Variants in KIRREL3 observed in about 807,000 individuals in gnomAD.
KIRREL3 encodes the protein kirre like nephrin family adhesion molecule 3, also known as kin of IRRE-like protein 3.
In KIRREL3, 36 loss-of-function variants were observed where a neutral mutation model predicts 89.7. The ratio of observed to expected loss-of-function variants is 0.40; its 90% CI spans 0.31 to 0.53. The LOEUF is 0.53. KIRREL3 is among the 20% of genes least tolerant of loss of function. The pLI, the probability that KIRREL3 is intolerant of heterozygous loss-of-function variation, is 0.49. For synonymous variants in KIRREL3, 445 were observed against 441.4 expected, an observed-to-expected ratio of 1.01 and a Z score of -0.10; for missense variants, 864 against 1,056.6, an observed-to-expected ratio of 0.82 and a Z score of 2.53.
At chr11:126,621,965 G>A (rs558221047) in intron 1 of KIRREL3, among the ~76,000 whole-genome samples, 1 of 152,280 alleles carries the variant, frequency 6.6e-6, no homozygotes, top group East Asian at 1.9e-4. Context: ...TGACAGTGGT[G>A]GGAGTCTGGG....
rs1198729115 is a variant in KIRREL3, at chr11:126,995,784, G to A, written c.55+4671C>T. 6.6e-6 allele frequency among the ~76,000 whole-genome samples: 1 copy of A among 152,144 alleles called. No homozygotes were observed. The highest frequency in any genetic ancestry group is 2.4e-5 in the African/African-American group (1 of 41,422). On this transcript the variant is annotated intron_variant, in intron 1 of 16. Coordinates refer to ENST00000525144, the MANE Select transcript of KIRREL3 (RefSeq NM_032531.4). This position sits in a 1 kb window ranked among gnomAD's most constrained non-coding sequence, Gnocchi z 6.5. ...TTTTTTGGGTCTGCAATATAATGCT[G>A]CCTAAGTCATCCCCACTGGGCTGAA...
rs1384331367 is a variant in KIRREL3, at chr11:126,906,313, C to T, written c.55+94142G>A. ...CTTGTGTGACTGATGAGCCACTTTT[C>T]GTTGTTTGCTTTCTTAAAAATAAGC... On this transcript the variant is annotated intron_variant, in intron 1 of 16. Coordinates refer to ENST00000525144, the MANE Select transcript of KIRREL3 (RefSeq NM_032531.4). This position sits in a 1 kb window ranked among gnomAD's most constrained non-coding sequence, Gnocchi z 4.1. Among the ~76,000 whole-genome samples the T allele has an allele frequency of 2.0e-5, 3 of 152,124 alleles. No homozygotes were observed. Among genetic ancestry groups the T allele is most frequent in the African/African-American group, 7.2e-5 (3 of 41,438 alleles).
chr11:126,859,554 A>G (rs962149125), intron 1 of KIRREL3, among the ~76,000 whole-genome samples: 1 of 152,218 alleles, frequency 6.6e-6, no homozygotes, highest in Non-Finnish European at 1.5e-5. Context: ...ACTATATCTG[A>G]GCTGCAAAAG....
At position 126,683,363 on chromosome 11, in the gene KIRREL3, C is replaced by T. The variant is rs868205583; in HGVS notation, c.56-120451G>A. Among the ~76,000 whole-genome samples, 8 of 152,012 alleles carry T rather than the reference C, an allele frequency of 5.3e-5. No individual in the cohort carries two copies. In the South Asian group the frequency reaches 1.0e-3, roughly 20 times the overall value. On this transcript the variant is annotated intron_variant, in intron 1 of 16. Transcript: ENST00000525144. This position sits in a 1 kb window ranked among gnomAD's most constrained non-coding sequence, Gnocchi z 5.2. ...TGGTTTGCAAGTAAGTGGGATCGAC[C>T]GTGGGGTCTCTGGACAGCTCCCCAG... is the stretch of plus-strand genomic sequence containing the variant.
At chr11:126,707,626 G>A (rs928338636) in intron 1 of KIRREL3, among the ~76,000 whole-genome samples, 2 of 152,154 alleles carry the variant, frequency 1.3e-5, no homozygotes, top group Non-Finnish European at 2.9e-5. Context: ...GTTCGCTGTT[G>A]GAGCCAGGGG....
chr11:126,577,899 T>G (rs77395222), intron 1 of KIRREL3, among the ~76,000 whole-genome samples: 805 of 152,308 alleles, frequency 5.3e-3, no homozygotes, highest in East Asian at 0.013. Context: ...TTTTTGAGGT[T>G]AATCAGTGCC....
chr11:126,863,396 TGA>T (rs111951377), intron 1 of KIRREL3, among the ~76,000 whole-genome samples: 78,915 of 116,208 alleles, frequency 0.68, 24,442 homozygotes, highest in African/African-American at 0.8. Context: ...AGTGCGTGTG[TGA>T]GTGCGTGAGT....
rs931370239 is a variant in KIRREL3, at chr11:126,989,386, T to A, written c.55+11069A>T. ...TGATGCAGAGAGAGCGGCAAGGGAC[T>A]CTGATGGTGAGTCAGCTGAGGGAAG... On this transcript the variant is annotated intron_variant, in intron 1 of 16. Transcript: ENST00000525144. The surrounding 1 kb of genome is among the most constrained non-coding windows in gnomAD (Gnocchi z 6.2). Among the ~76,000 whole-genome samples the A allele has an allele frequency of 2.0e-5, 3 of 152,110 alleles. No homozygotes were observed. The highest frequency in any genetic ancestry group is 7.2e-5 in the African/African-American group (3 of 41,420).
chr11:126,514,859 CAACACAACAA>C (rs1226200566), intron 4 of KIRREL3, among the ~76,000 whole-genome samples: 7,392 of 98,544 alleles, frequency 0.075, 264 homozygotes, highest in Admixed American at 0.18. Context: ...CAACACAACA[CAACACAACAA>C]AACACAATTG....
rs1194360431 is a variant in KIRREL3, at chr11:126,978,754, C to T, written c.55+21701G>A. On this transcript the variant is annotated intron_variant, in intron 1 of 16. Transcript: ENST00000525144. The surrounding 1 kb of genome is among the most constrained non-coding windows in gnomAD (Gnocchi z 4.2). ...GGGAGTTTCTCTGAGCTCTGTTCCCCCAAGGTGGGCTAGGCAACCCTAGTG... is the reference window on the plus strand; with the variant it reads ...GGGAGTTTCTCTGAGCTCTGTTCCCTCAAGGTGGGCTAGGCAACCCTAGTG... Among the ~76,000 whole-genome samples the T allele has an allele frequency of 6.6e-6, 1 of 152,146 alleles. No individual in the cohort carries two copies. Among genetic ancestry groups the T allele is most frequent in the East Asian group, 1.9e-4 (1 of 5,188 alleles).
chr11:126,592,322 T>C (rs1431605215), intron 1 of KIRREL3, among the ~76,000 whole-genome samples: 3 of 152,192 alleles, frequency 2.0e-5, no homozygotes, highest in Non-Finnish European at 4.4e-5. Context: ...CTATGTCTTA[T>C]TATACAATGC....
At chr11:126,442,239 C>T (rs1283558132) in intron 10 of KIRREL3, among the ~76,000 whole-genome samples, 7 of 131,756 alleles carry the variant, frequency 5.3e-5, no homozygotes, top group African/African-American at 1.7e-4. Context: ...CCAGCCTGGG[C>T]GACAGAGCGA....
Position 126,431,161 on chromosome 11 carries a change from C to G in KIRREL3, c.1696+258G>C. 1 of 1,445,710 alleles carries G rather than the reference C, an allele frequency of 6.9e-7. No homozygotes were observed. Among genetic ancestry groups the G allele is most frequent in the East Asian group, 2.5e-5 (1 of 40,002 alleles). The allele number at this position is 1,445,710 out of a possible 1,614,324, so 89.6% of individuals were successfully genotyped here. On this transcript the variant is annotated intron_variant, in intron 14 of 16. Coordinates refer to ENST00000525144, the MANE Select transcript of KIRREL3 (RefSeq NM_032531.4). This position sits in a 1 kb window ranked among gnomAD's most constrained non-coding sequence, Gnocchi z 7.1. ...TTCCTGACTGAAAGAGCTATGTGTTCAATCCAAAATGCTGGCTGCCCTGCA... is the reference window on the plus strand; with the variant it reads ...TTCCTGACTGAAAGAGCTATGTGTTGAATCCAAAATGCTGGCTGCCCTGCA...
rs1949245244 is a variant in KIRREL3, at chr11:126,748,932, G to A, written c.56-186020C>T. ...TCAGTTCATTGCCTCGTAGGTGGGA[G>A]AGCCGCTTAGGTCCTCTTATGTGAC... On this transcript the variant is annotated intron_variant, in intron 1 of 16. Transcript: ENST00000525144. This position sits in a 1 kb window ranked among gnomAD's most constrained non-coding sequence, Gnocchi z 4.6. Among the ~76,000 whole-genome samples, 1 of 152,164 alleles carries A rather than the reference G, an allele frequency of 6.6e-6. No individual in the cohort carries two copies. Among genetic ancestry groups the A allele is most frequent in the Non-Finnish European group, 1.5e-5 (1 of 68,024 alleles).
chr11:126,982,617 G>A (rs757068644), intron 1 of KIRREL3, among the ~76,000 whole-genome samples: 2 of 152,096 alleles, frequency 1.3e-5, no homozygotes, highest in African/African-American at 4.8e-5. Flanking sequence ...TCCACGTACT[G>A]TTTCTACCCA....
chr11:126,502,003 C>T (rs907799357), intron 4 of KIRREL3, among the ~76,000 whole-genome samples: 6 of 152,150 alleles, frequency 3.9e-5, no homozygotes, highest in African/African-American at 1.4e-4. Flanking sequence ...ATAAACTGAC[C>T]AGGTCTTTGT....
In KIRREL3 at chr11:126,896,449, C is replaced by T. The variant is rs1018465846; in HGVS notation, c.55+104006G>A. Among the ~76,000 whole-genome samples the T allele has an allele frequency of 6.6e-6, 1 of 152,202 alleles. No individual in the cohort carries two copies. Among genetic ancestry groups the T allele is most frequent in the Non-Finnish European group, 1.5e-5 (1 of 68,036 alleles). On this transcript the variant is annotated intron_variant, in intron 1 of 16. Coordinates refer to ENST00000525144, the MANE Select transcript of KIRREL3 (RefSeq NM_032531.4). The surrounding 1 kb of genome is among the most constrained non-coding windows in gnomAD (Gnocchi z 4.1). Reference sequence around the variant, plus strand: ...GCCTGTTGAGATGCCCATGCCCTTTCCAGAGCTACAGACAGGCATGCTGTC... The same window carrying T: ...GCCTGTTGAGATGCCCATGCCCTTTTCAGAGCTACAGACAGGCATGCTGTC...
chr11:126,898,127 T>G lies in KIRREL3; in HGVS notation c.55+102328A>C, dbSNP rs777769201. Among the ~76,000 whole-genome samples the G allele has an allele frequency of 2.2e-4, 33 of 152,178 alleles. No homozygotes were observed. Among genetic ancestry groups the G allele is most frequent in the Non-Finnish European group, 4.3e-4 (29 of 68,030 alleles). On this transcript the variant is annotated intron_variant, in intron 1 of 16. Transcript: ENST00000525144. The surrounding 1 kb of genome is among the most constrained non-coding windows in gnomAD (Gnocchi z 4.9). ...ATTCCCAGGTGGTGTTTGCCCTGGT[T>G]CCAGTCTCTGATGCCACAGTCGCCT...
rs1323332486 is a variant in KIRREL3, at chr11:126,642,284, A to G, written c.56-79372T>C. On this transcript the variant is annotated intron_variant, in intron 1 of 16. Coordinates refer to ENST00000525144, the MANE Select transcript of KIRREL3 (RefSeq NM_032531.4). This position sits in a 1 kb window ranked among gnomAD's most constrained non-coding sequence, Gnocchi z 4.9. ...TTAGTTCTCACTTTCCCCATTTCTG[A>G]GACCAGCAAGAGGCTCTGTTTGCGC... Among the ~76,000 whole-genome samples, 1 of 152,172 alleles carries G rather than the reference A, an allele frequency of 6.6e-6. No homozygotes were observed. Among genetic ancestry groups the G allele is most frequent in the Non-Finnish European group, 1.5e-5 (1 of 68,026 alleles).
Sources: allele counts gnomAD v4.1 joint callset (sites outside exome capture counted in the v4.1 genomes callset), GRCh38; gene constraint gnomAD v4.1.1; non-coding constraint Gnocchi (gnomAD v3.1); transcripts MANE v1.5; gene names NCBI Gene and HGNC (gene_info 2026-07-23, HGNC 2026-07-21).